Variants in TAS2R1 observed in about 807,000 individuals in gnomAD.
The protein encoded by TAS2R1 is taste 2 receptor member 1.
For missense variants in TAS2R1, 370 were observed against 353.4 expected (o/e 1.05, Z -0.38); for synonymous variants, 141 against 134.2 (o/e 1.05, Z -0.35).
At chr5:9,670,964 C>T (rs1393950699) in intron 1 of TAS2R1, among the ~76,000 whole-genome samples, 2 of 152,272 alleles carry the variant, frequency 1.3e-5, no homozygotes, top group Admixed American at 6.5e-5. Flanking sequence ...GACTTTATTC[C>T]TGGGGTGCAA....
chr5:9,778,657 T>C, the TAS2R1 span, among the ~76,000 whole-genome samples: 9 of 152,242 alleles, frequency 5.9e-5, no homozygotes, highest in African/African-American at 2.2e-4. Flanking sequence ...TGCACTTTTA[T>C]GTTATGGAGA....
the TAS2R1 span, among the ~76,000 whole-genome samples, chr5:9,875,294 A>C: frequency 2.0e-5 from 3 of 152,154 alleles, no homozygotes; most frequent in Non-Finnish European, 4.4e-5. Context: ...ACCTACAGAC[A>C]TTCATATTCA....
At chr5:9,732,499 C>T in the TAS2R1 span, among the ~76,000 whole-genome samples, 1 of 152,020 alleles carries the variant, frequency 6.6e-6, no homozygotes, top group Non-Finnish European at 1.5e-5. Flanking sequence ...GAGCCATGGA[C>T]AAGGGGAAGA....
the TAS2R1 span, among the ~76,000 whole-genome samples, chr5:9,826,653 T>C: frequency 6.6e-6 from 1 of 152,190 alleles, no homozygotes; most frequent in Non-Finnish European, 1.5e-5. Flanking sequence ...TTTTTATAAC[T>C]ACACATAAAA....
At chr5:9,879,738 A>G in the TAS2R1 span, among the ~76,000 whole-genome samples, 5 of 152,346 alleles carry the variant, frequency 3.3e-5, no homozygotes, top group Admixed American at 3.3e-4. Context: ...GAATATACCA[A>G]TGAGGCATCA....
At chr5:9,744,282 C>G in the TAS2R1 span, among the ~76,000 whole-genome samples, 1 of 152,212 alleles carries the variant, frequency 6.6e-6, no homozygotes, top group African/African-American at 2.4e-5. Flanking sequence ...CTTCTACAAG[C>G]ACTCCCGTTT....
At chr5:9,886,405 G>A in the TAS2R1 span, among the ~76,000 whole-genome samples, 4 of 147,726 alleles carry the variant, frequency 2.7e-5, no homozygotes, top group Non-Finnish European at 5.9e-5. Flanking sequence ...TGCAATCGTG[G>A]CTCACTGCAA....
At chr5:9,763,591 C>T in the TAS2R1 span, among the ~76,000 whole-genome samples, 3,368 of 152,268 alleles carry the variant, frequency 0.022, 45 homozygotes, top group Non-Finnish European at 0.033. Context: ...AACAAGGAAA[C>T]ATACCACAGG....
chr5:9,801,928 T>C, the TAS2R1 span, among the ~76,000 whole-genome samples: 1 of 152,146 alleles, frequency 6.6e-6, no homozygotes, highest in Non-Finnish European at 1.5e-5. Flanking sequence ...TGCCCCAACC[T>C]GGTGGTCTTT....
the TAS2R1 span, among the ~76,000 whole-genome samples, chr5:9,865,902 A>G: frequency 6.6e-6 from 1 of 152,232 alleles, no homozygotes; most frequent in Admixed American, 6.5e-5. Context: ...TATCCTGCTG[A>G]GGCTCATAGG....
At chr5:9,708,750 G>A (rs181918814) in intron 1 of TAS2R1, among the ~76,000 whole-genome samples, 60 of 152,182 alleles carry the variant, frequency 3.9e-4, no homozygotes, top group Admixed American at 1.1e-3. Flanking sequence ...AATGCTTTCC[G>A]GAGAAAGTCA....
the TAS2R1 span, among the ~76,000 whole-genome samples, chr5:9,763,830 A>AG: frequency 6.6e-6 from 1 of 152,220 alleles, no homozygotes; most frequent in South Asian, 2.1e-4. Context: ...AACGTAAAAC[A>AG]GGCCATTTTC....
chr5:9,745,451 C>T, the TAS2R1 span, among the ~76,000 whole-genome samples: 2 of 151,922 alleles, frequency 1.3e-5, no homozygotes, highest in African/African-American at 4.8e-5. Context: ...CCCAGGGTAG[C>T]ATAGCCAAGA....
At chr5:9,825,922 C>A in the TAS2R1 span, among the ~76,000 whole-genome samples, 1 of 152,268 alleles carries the variant, frequency 6.6e-6, no homozygotes, top group East Asian at 1.9e-4. Flanking sequence ...AAATAAGTCA[C>A]TGCTCCAAGG....
At chr5:9,850,231 C>T in the TAS2R1 span, among the ~76,000 whole-genome samples, 1 of 152,184 alleles carries the variant, frequency 6.6e-6, no homozygotes, top group African/African-American at 2.4e-5. Flanking sequence ...AGGCCTATGA[C>T]ATTGCTTGTC....
chr5:9,724,466 C>A, the TAS2R1 span, among the ~76,000 whole-genome samples: 3 of 151,586 alleles, frequency 2.0e-5, no homozygotes, highest in East Asian at 1.9e-4. Flanking sequence ...ACTTTTCTCC[C>A]AACTGTTATT....
the TAS2R1 span, among the ~76,000 whole-genome samples, chr5:9,790,926 C>A: frequency 6.6e-6 from 1 of 152,148 alleles, no homozygotes; most frequent in Non-Finnish European, 1.5e-5. Context: ...AGGCATGTGC[C>A]ACTGTGCCTG....
the TAS2R1 span, among the ~76,000 whole-genome samples, chr5:9,769,112 C>T: frequency 6.6e-6 from 1 of 152,214 alleles, no homozygotes. Context: ...ATTCTACTCT[C>T]TGTTTCCATG....
At chr5:9,707,067 C>G (rs894662979) in intron 1 of TAS2R1, among the ~76,000 whole-genome samples, 5 of 152,172 alleles carry the variant, frequency 3.3e-5, no homozygotes, top group Non-Finnish European at 7.3e-5. Flanking sequence ...ACAGAAAAAT[C>G]CTAAGCTCTT....
Sources: gnomAD v4.1 joint callset for allele counts (sites outside exome capture counted in the v4.1 genomes callset) on GRCh38, gnomAD v4.1.1 for gene constraint, MANE v1.5 for transcripts, NCBI Gene and HGNC (gene_info 2026-07-23, HGNC 2026-07-21) for gene names.